ADK: variants seen among roughly 807,000 people sequenced by gnomAD.
The protein encoded by ADK is adenosine kinase, also known as N6,N6-dimethyladenosine kinase.
Under a neutral mutation model 44.7 loss-of-function variants are expected in ADK, and 24 were observed. That is an observed-to-expected ratio of 0.54 (90% CI 0.39 to 0.76). The LOEUF is 0.76. Among genes scored for constraint, ADK ranks in the 30% least tolerant of loss-of-function variants. ADK has a pLI of 0.00. For missense variants in ADK, 321 were observed against 425.1 expected (o/e 0.76, Z 2.15); for synonymous variants, 128 against 142.6 (o/e 0.90, Z 0.73).
At chr10:74,510,800 T>A (rs1329222700) in intron 6 of ADK, among the ~76,000 whole-genome samples, 1 of 152,134 alleles carries the variant, frequency 6.6e-6, no homozygotes, top group African/African-American at 2.4e-5. Context: ...CTTGACCTCC[T>A]AGGCTAAGGC....
chr10:74,419,297 G>A (rs1424200044), intron 6 of ADK, among the ~76,000 whole-genome samples: 1 of 151,864 alleles, frequency 6.6e-6, no homozygotes, highest in African/African-American at 2.4e-5. Flanking sequence ...TTTTAAGATT[G>A]GCCTATTTCA....
At chr10:74,266,533 G>GT (rs1426825238) in intron 3 of ADK, among the ~76,000 whole-genome samples, 1 of 151,984 alleles carries the variant, frequency 6.6e-6, no homozygotes, top group Non-Finnish European at 1.5e-5. Context: ...TCCAGCCTGG[G>GT]TGACAGAGCA....
intron 6 of ADK, among the ~76,000 whole-genome samples, chr10:74,494,877 C>G (rs1462789836): frequency 6.6e-6 from 1 of 152,076 alleles, no homozygotes; most frequent in Non-Finnish European, 1.5e-5. Flanking sequence ...AGAAAAAATA[C>G]AAGGGAGATA....
chr10:74,312,686 C>A (rs530734353), intron 3 of ADK, among the ~76,000 whole-genome samples: 1 of 150,018 alleles, frequency 6.7e-6, no homozygotes, highest in Non-Finnish European at 1.5e-5. Context: ...GTGGGAGGAT[C>A]GCCTGAGCTC....
intron 9 of ADK, among the ~76,000 whole-genome samples, chr10:74,628,218 TTTTTC>T (rs1853286602): frequency 6.6e-6 from 1 of 152,130 alleles, no homozygotes. Context: ...AGCATCAGCT[TTTTTC>T]TTCTAGTTTT....
chr10:74,199,248 T>TA (rs1397097956), intron 1 of ADK, among the ~76,000 whole-genome samples: 1 of 152,158 alleles, frequency 6.6e-6, no homozygotes, highest in Non-Finnish European at 1.5e-5. Context: ...GGGTATATCA[T>TA]ATGATACTGA....
rs535190405 is a variant in ADK, at chr10:74,183,473, C to G, written c.66-17291C>G. 8.5e-5 allele frequency among the ~76,000 whole-genome samples: 13 copies of G among 152,166 alleles called. No homozygotes were observed. In the South Asian group the frequency reaches 2.7e-3, roughly 32 times the overall value. On this transcript the variant is annotated intron_variant, in intron 1 of 10. Coordinates refer to ENST00000539909, the MANE Select transcript of ADK (RefSeq NM_006721.4). ...CCTGTAGTCCCAGCTACTTCAGAAG[C>G]TGAGTCAGGAGGATCCCTTGATCCT...
chr10:74,155,005 A>T (rs921036516), intron 1 of ADK, among the ~76,000 whole-genome samples: 9 of 152,240 alleles, frequency 5.9e-5, no homozygotes, highest in Non-Finnish European at 1.2e-4. Context: ...TCCATCTGAC[A>T]TTAGCAATTA....
intron 4 of ADK, among the ~76,000 whole-genome samples, chr10:74,324,931 C>T (rs1014848181): frequency 2.0e-5 from 3 of 152,124 alleles, no homozygotes; most frequent in Non-Finnish European, 2.9e-5. Context: ...AGTCAGATAG[C>T]ATGATGTGTC....
chr10:74,562,779 A>G (rs1452060482), intron 7 of ADK, among the ~76,000 whole-genome samples: 1 of 152,228 alleles, frequency 6.6e-6, no homozygotes, highest in African/African-American at 2.4e-5. Flanking sequence ...TTGGCAAAAA[A>G]TAAAACCAGT....
At chr10:74,481,224 TA>T (rs1589154629) in intron 6 of ADK, among the ~76,000 whole-genome samples, 1 of 152,340 alleles carries the variant, frequency 6.6e-6, no homozygotes, top group African/African-American at 2.4e-5. Context: ...AATACGAAGA[TA>T]AATTTGGTTT....
chr10:74,257,902 C>G (rs1845887879), intron 3 of ADK, among the ~76,000 whole-genome samples: 1 of 152,046 alleles, frequency 6.6e-6, no homozygotes, highest in African/African-American at 2.4e-5. Context: ...GATAATGAGC[C>G]TAATTACCAT....
chr10:74,219,950 A>G (rs1186415085), intron 2 of ADK, among the ~76,000 whole-genome samples: 248 of 146,556 alleles, frequency 1.7e-3, no homozygotes, highest in Middle Eastern at 3.7e-3. Flanking sequence ...TAACATCACA[A>G]TTAAAAGAAC....
chr10:74,691,971 C>G (rs932276828), intron 10 of ADK, among the ~76,000 whole-genome samples: 2 of 152,104 alleles, frequency 1.3e-5, no homozygotes, highest in Admixed American at 6.6e-5. Flanking sequence ...CAATCTCTTA[C>G]AAAACTAAAC....
At chr10:74,276,650 G>A (rs1846691746) in intron 3 of ADK, among the ~76,000 whole-genome samples, 1 of 152,140 alleles carries the variant, frequency 6.6e-6, no homozygotes, top group African/African-American at 2.4e-5. Flanking sequence ...AGGGGTGAAT[G>A]TTTCCAAGCT....
At chr10:74,637,811 G>A (rs1393563421) in intron 9 of ADK, among the ~76,000 whole-genome samples, 1 of 152,192 alleles carries the variant, frequency 6.6e-6, no homozygotes, top group Non-Finnish European at 1.5e-5. Flanking sequence ...TAGGGATAGA[G>A]GGCAGGAAGG....
At chr10:74,291,090 G>A (rs1266144760) in intron 3 of ADK, among the ~76,000 whole-genome samples, 2 of 152,096 alleles carry the variant, frequency 1.3e-5, no homozygotes, top group Non-Finnish European at 1.5e-5. Flanking sequence ...GAATATAGGA[G>A]TTTTTGGCTC....
chr10:74,590,535 C>G (rs1851681698), intron 8 of ADK, among the ~76,000 whole-genome samples: 1 of 152,174 alleles, frequency 6.6e-6, no homozygotes, highest in African/African-American at 2.4e-5. Flanking sequence ...TACAGATATT[C>G]TGTTCTGAAG....
chr10:74,277,683 GCCACC>G (rs1320596033), intron 3 of ADK, among the ~76,000 whole-genome samples: 1 of 152,186 alleles, frequency 6.6e-6, no homozygotes, highest in Non-Finnish European at 1.5e-5. Flanking sequence ...ACAGGTGTGA[GCCACC>G]GCGCCCAGCT....
Sources: gnomAD v4.1 joint callset for allele counts (sites outside exome capture counted in the v4.1 genomes callset) on GRCh38, gnomAD v4.1.1 for gene constraint, MANE v1.5 for transcripts, NCBI Gene and HGNC (gene_info 2026-07-23, HGNC 2026-07-21) for gene names.